Variants in TNFRSF11A observed in about 807,000 individuals in gnomAD.
The protein encoded by TNFRSF11A is TNF receptor superfamily member 11a, also known as tumor necrosis factor receptor superfamily member 11A.
Under a neutral mutation model 55.7 loss-of-function variants are expected in TNFRSF11A, and 32 were observed. The observed-to-expected ratio is 0.57, with a 90% CI of 0.43 to 0.77. TNFRSF11A has a LOEUF of 0.77. Among genes scored for constraint, TNFRSF11A ranks in the 30% least tolerant of loss-of-function variants. The pLI is 0.00. For synonymous variants in TNFRSF11A, 311 were observed against 331.0 expected (o/e 0.94, Z 0.65); for missense variants, 753 against 809.8 (o/e 0.93, Z 0.85).
rs1346407433 is a variant in TNFRSF11A, at chr18:62,388,368, C to T, written c.*3334C>T. ...GGCTCTAACTGGCATGCTGTCACTT[C>T]TGCCACATTCTGTGGGCCAAAGCAG... On this transcript the variant is annotated 3_prime_UTR_variant, in exon 10 of 10. Transcript: ENST00000586569. 6.6e-6 allele frequency: 1 copy of T among 152,298 alleles called. No individual in the cohort carries two copies. The highest frequency in any genetic ancestry group is 6.5e-5 in the Admixed American group (1 of 15,292). 9.4% of individuals were successfully genotyped at this position (152,298 alleles called of 1,614,324 possible).
At chr18:62,361,889 A>G (rs34950264) in intron 7 of TNFRSF11A, 96 bp downstream of exon 7, 73,871 of 1,111,226 alleles carry the variant, frequency 0.066, 2,770 homozygotes, top group African/African-American at 0.12. Flanking sequence ...CTTGCTGCCT[A>G]TGGTGATCTG....
chr18:62,351,629 T>C (rs944443653), intron 3 of TNFRSF11A, among the ~76,000 whole-genome samples: 1 of 151,612 alleles, frequency 6.6e-6, no homozygotes, highest in Non-Finnish European at 1.5e-5. Flanking sequence ...TTGATAAAGT[T>C]ACTGCATTTA....
intron 8 of TNFRSF11A, 65 bp downstream of exon 8, chr18:62,366,825 C>G: frequency 2.0e-6 from 3 of 1,524,058 alleles, no homozygotes; most frequent in Non-Finnish European, 2.7e-6. Context: ...TAGAGCCATC[C>G]TAGTCACATA....
At chr18:62,340,778 T>TC (rs2046300174) in intron 1 of TNFRSF11A, among the ~76,000 whole-genome samples, 1 of 152,228 alleles carries the variant, frequency 6.6e-6, no homozygotes, top group Admixed American at 6.5e-5. Context: ...ACTTAGGACC[T>TC]CCAAGTTTTT....
intron 9 of TNFRSF11A, among the ~76,000 whole-genome samples, chr18:62,373,250 G>A (rs1277092957): frequency 3.9e-5 from 6 of 152,164 alleles, no homozygotes; most frequent in Non-Finnish European, 7.4e-5. Context: ...TTTAGGTCAG[G>A]AGTTCAAGAC....
intron 3 of TNFRSF11A, among the ~76,000 whole-genome samples, chr18:62,352,042 C>T (rs1469675136): frequency 1.3e-5 from 2 of 152,100 alleles, no homozygotes; most frequent in Non-Finnish European, 2.9e-5. Flanking sequence ...GGGATCCCCC[C>T]GCCTCGGCCT....
intron 1 of TNFRSF11A, among the ~76,000 whole-genome samples, chr18:62,345,583 G>T (rs554922732): frequency 6.6e-6 from 1 of 152,274 alleles, no homozygotes; most frequent in East Asian, 1.9e-4. Context: ...CTATAACTCT[G>T]TCAAGTAGAC....
At chr18:62,334,087 A>G (rs1044413365) in intron 1 of TNFRSF11A, among the ~76,000 whole-genome samples, 5 of 152,034 alleles carry the variant, frequency 3.3e-5, no homozygotes, top group Non-Finnish European at 7.4e-5. Context: ...GCTGGTCTTG[A>G]ACTCTTGACC....
chr18:62,336,020 G>A (rs917743502), intron 1 of TNFRSF11A, among the ~76,000 whole-genome samples: 7 of 152,312 alleles, frequency 4.6e-5, no homozygotes, highest in Admixed American at 1.3e-4. Context: ...TGCCTGGCAC[G>A]TAGTAGATAT....
intron 9 of TNFRSF11A, among the ~76,000 whole-genome samples, chr18:62,379,210 T>A (rs757184209): frequency 3.7e-4 from 57 of 152,228 alleles, no homozygotes; most frequent in Non-Finnish European, 6.3e-4. Flanking sequence ...CTTCTGTTAC[T>A]GTTATTATTG....
At chr18:62,366,110 G>A (rs1161492066) in intron 7 of TNFRSF11A, among the ~76,000 whole-genome samples, 2 of 152,200 alleles carry the variant, frequency 1.3e-5, no homozygotes, top group African/African-American at 4.8e-5. Flanking sequence ...GAGCCACCGC[G>A]CCTGGCCCTT....
In TNFRSF11A at chr18:62,325,993, G is replaced by T. The variant is rs2046069005; in HGVS notation, c.75+566G>T. ...CGGGGAGAGACTGCGCGCGCGCCCC[G>T]GGGATGCTGGACTTGACCCTCGCAG... On this transcript the variant is annotated intron_variant, in intron 1 of 9. Transcript: ENST00000586569. This position sits in a 1 kb window ranked among gnomAD's most constrained non-coding sequence, Gnocchi z 4.7. Among the ~76,000 whole-genome samples, 1 of 152,324 alleles carries T rather than the reference G, an allele frequency of 6.6e-6. No homozygotes were observed. Among genetic ancestry groups the T allele is most frequent in the African/African-American group, 2.4e-5 (1 of 41,586 alleles).
intron 9 of TNFRSF11A, among the ~76,000 whole-genome samples, chr18:62,380,669 C>T (rs1911214829): frequency 6.6e-6 from 1 of 152,032 alleles, no homozygotes; most frequent in Admixed American, 6.5e-5. Flanking sequence ...ATCTCCTGAC[C>T]TCGTGATCCA....
chr18:62,358,641 G>A (rs1220546453), intron 5 of TNFRSF11A, among the ~76,000 whole-genome samples: 2 of 152,102 alleles, frequency 1.3e-5, no homozygotes, highest in African/African-American at 4.8e-5. Context: ...TTTATTCAGT[G>A]GTCACGCCTA....
chr18:62,334,156 G>A (rs904824592), intron 1 of TNFRSF11A, among the ~76,000 whole-genome samples: 3 of 152,220 alleles, frequency 2.0e-5, no homozygotes, highest in East Asian at 1.9e-4. Flanking sequence ...ATGAGCCACC[G>A]CGCCTGGCCT....
At chr18:62,378,043 G>A (rs1203337269) in intron 9 of TNFRSF11A, 1 of 152,196 alleles carries the variant, frequency 6.6e-6, no homozygotes, top group Non-Finnish European at 1.5e-5. Flanking sequence ...CAGAAACCAT[G>A]AGAACCATGT....
In TNFRSF11A at chr18:62,384,957, TGCGGCGGCCCCGAGGGGCTGCGGGA is replaced by T. The variant is rs1383949592; in HGVS notation, c.1777_1801del (p.Gly593ArgfsTer75). 2.7e-6 allele frequency: 4 copies of T among 1,496,666 alleles called. No individual in the cohort carries two copies. The highest frequency in any genetic ancestry group is 2.7e-6 in the Non-Finnish European group (3 of 1,130,058). 92.7% of individuals were successfully genotyped at this position (1,496,666 alleles called of 1,614,324 possible). ...GAACGGCCCGCGCTTCCCGGACCCG[TGCGGCGGCCCCGAGGGGCTGCGGGA>T]GCCGGAGAAGGCCTCGAGGCCGGTG... On this transcript the variant is annotated frameshift_variant, in exon 10 of 10. Transcript: ENST00000586569. LOFTEE classifies it low-confidence loss of function (END_TRUNC).
chr18:62,376,626 T>C (rs1021401843), intron 9 of TNFRSF11A, among the ~76,000 whole-genome samples: 1 of 152,146 alleles, frequency 6.6e-6, no homozygotes, highest in Admixed American at 6.5e-5. Flanking sequence ...GTCCACTCTT[T>C]GTGTTGTACG....
chr18:62,346,352 A>C (rs745863971), intron 1 of TNFRSF11A, among the ~76,000 whole-genome samples: 17 of 152,214 alleles, frequency 1.1e-4, no homozygotes, highest in Non-Finnish European at 1.6e-4. Context: ...TCTTCTGTGC[A>C]TGTACATTAC....
Sources: gnomAD v4.1 joint callset for allele counts (sites outside exome capture counted in the v4.1 genomes callset) on GRCh38, gnomAD v4.1.1 for gene constraint, Gnocchi (gnomAD v3.1) non-coding constraint, MANE v1.5 for transcripts, NCBI Gene and HGNC (gene_info 2026-07-23, HGNC 2026-07-21) for gene names.